The following CPAP variants were observed in gnomAD, a reference collection of about 807,000 sequenced individuals.
CPAP encodes centrosome assembly and centriole elongation protein.
the CPAP span, chr13:24,886,314 G>A: frequency 2.3e-6 from 3 of 1,289,212 alleles, no homozygotes; most frequent in Non-Finnish European, 3.0e-6. Flanking sequence ...CGGGAGAATG[G>A]CCTGAAGGAG....
the CPAP span, among the ~76,000 whole-genome samples, chr13:24,931,848 A>G: frequency 1.4e-4 from 22 of 152,298 alleles, 1 homozygote; most frequent in South Asian, 4.4e-3. Flanking sequence ...TTTCTCAGTT[A>G]AAGGACAGCA....
the CPAP span, chr13:24,903,985 A>G: frequency 6.2e-7 from 1 of 1,614,004 alleles, no homozygotes; most frequent in Non-Finnish European, 8.5e-7. Context: ...ATGCGTTCTC[A>G]GCTTTAAACT....
chr13:24,927,058 T>C, the CPAP span, among the ~76,000 whole-genome samples: 1 of 151,952 alleles, frequency 6.6e-6, no homozygotes, highest in African/African-American at 2.4e-5. Flanking sequence ...AAACAGAAAA[T>C]TGTCGGCACT....
the CPAP span, among the ~76,000 whole-genome samples, chr13:24,911,060 A>T: frequency 1.3e-5 from 2 of 152,218 alleles, no homozygotes; most frequent in African/African-American, 4.8e-5. Flanking sequence ...AGAAGCAAAC[A>T]CATGGCTCCA....
At chr13:24,930,935 G>A in the CPAP span, among the ~76,000 whole-genome samples, 1 of 152,176 alleles carries the variant, frequency 6.6e-6, no homozygotes, top group African/African-American at 2.4e-5. Flanking sequence ...CACCAACAGT[G>A]TATAAGCATT....
chr13:24,933,282 G>T, the CPAP span: 1 of 656,114 alleles, frequency 1.5e-6, no homozygotes, highest in South Asian at 2.0e-5. Flanking sequence ...GACTTGGCCG[G>T]TTGGGAGGCT....
At chr13:24,886,816 G>A in the CPAP span, among the ~76,000 whole-genome samples, 1 of 152,148 alleles carries the variant, frequency 6.6e-6, no homozygotes, top group Non-Finnish European at 1.5e-5. Context: ...ACCTACTAAG[G>A]TTGTCAACTA....
the CPAP span, chr13:24,912,878 T>A: frequency 6.2e-7 from 1 of 1,614,212 alleles, no homozygotes; most frequent in Non-Finnish European, 8.5e-7. Context: ...CTGGTAGAAA[T>A]GTCCACAGCT....
At chr13:24,893,013 G>A in the CPAP span, 4 of 692,432 alleles carry the variant, frequency 5.8e-6, no homozygotes, top group South Asian at 3.5e-5. Context: ...GACGAATGTC[G>A]TGGTTTTCAG....
At chr13:24,923,714 CTA>C in the CPAP span, among the ~76,000 whole-genome samples, 1 of 152,238 alleles carries the variant, frequency 6.6e-6, no homozygotes, top group Non-Finnish European at 1.5e-5. Flanking sequence ...AAAGACAAAA[CTA>C]TTTCACAGAA....
the CPAP span, among the ~76,000 whole-genome samples, chr13:24,931,306 C>CTTTTTTCT: frequency 2.8e-5 from 2 of 72,646 alleles, no homozygotes; most frequent in East Asian, 5.9e-4. Flanking sequence ...TTTCATGTTT[C>CTTTTTTCT]TTTTTTTTTT....
At chr13:24,883,151 G>C in the CPAP span, 1 of 1,594,712 alleles carries the variant, frequency 6.3e-7, no homozygotes, top group Admixed American at 1.7e-5. Flanking sequence ...GTCAGTTACT[G>C]TTACTTCATG....
At chr13:24,909,800 G>T in the CPAP span, 1 of 1,611,920 alleles carries the variant, frequency 6.2e-7, no homozygotes, top group Admixed American at 1.7e-5. Context: ...CTGTAGGATG[G>T]TTACGGTTTT....
At chr13:24,896,374 G>A in the CPAP span, among the ~76,000 whole-genome samples, 1 of 152,258 alleles carries the variant, frequency 6.6e-6, no homozygotes. Flanking sequence ...CAGTGAGGAT[G>A]TGCCCAGTCC....
the CPAP span, among the ~76,000 whole-genome samples, chr13:24,914,066 A>G: frequency 6.6e-6 from 1 of 152,208 alleles, no homozygotes; most frequent in African/African-American, 2.4e-5. Context: ...GCACACACAC[A>G]TTATACAGTA....
the CPAP span, among the ~76,000 whole-genome samples, chr13:24,926,772 C>T: frequency 6.6e-6 from 1 of 152,162 alleles, no homozygotes; most frequent in Admixed American, 6.5e-5. Flanking sequence ...GATGCAAGAT[C>T]AACACGGCAA....
At chr13:24,894,412 G>C in the CPAP span, among the ~76,000 whole-genome samples, 1 of 152,184 alleles carries the variant, frequency 6.6e-6, no homozygotes, top group Non-Finnish European at 1.5e-5. Flanking sequence ...CCAAGCACAG[G>C]GGAAGACGGC....
chr13:24,925,192 G>T, the CPAP span, among the ~76,000 whole-genome samples: 1 of 152,100 alleles, frequency 6.6e-6, no homozygotes, highest in Admixed American at 6.5e-5. Flanking sequence ...GCCCAGGCTG[G>T]TCTCTAACTC....
chr13:24,925,229 G>C, the CPAP span, among the ~76,000 whole-genome samples: 15 of 152,248 alleles, frequency 9.9e-5, no homozygotes, highest in Middle Eastern at 3.4e-3. Flanking sequence ...CTCTCACCTT[G>C]GCCTCTGAAA....
Sources: allele counts gnomAD v4.1 joint callset (sites outside exome capture counted in the v4.1 genomes callset), GRCh38; gene constraint gnomAD v4.1.1; transcripts MANE v1.5; gene names NCBI Gene and HGNC (gene_info 2026-07-23, HGNC 2026-07-21).